MYL3: variants seen among roughly 807,000 people sequenced by gnomAD.
MYL3 encodes the protein myosin light chain 3.
MYL3 carries 11 observed loss-of-function variants against 21.3 expected under a neutral mutation model. That is an observed-to-expected ratio of 0.52 (90% CI 0.32 to 0.85). MYL3 has a LOEUF of 0.85. Ranked by LOEUF, MYL3 falls within the 40% of genes least tolerant of loss-of-function variation. The pLI, the probability that MYL3 is intolerant of heterozygous loss-of-function variation, is 0.03. For synonymous variants in MYL3, 88 were observed against 91.6 expected (o/e 0.96, Z 0.22); for missense variants, 206 against 253.3 (o/e 0.81, Z 1.27).
Position 46,859,456 on chromosome 3 carries a change from G to T in MYL3, c.481+19C>A. The T allele has an allele frequency of 6.2e-7, 1 of 1,613,906 alleles. No homozygotes were observed. The highest frequency in any genetic ancestry group is 1.1e-5 in the South Asian group (1 of 91,072). ...ATGTCCCTGGAAGGAGTTGGGGTAG[G>T]GGAGGAGGCTGCCCTCACCCAGCGT... On this transcript the variant is annotated intron_variant, in intron 4 of 6. Coordinates refer to ENST00000292327, the MANE Select transcript of MYL3 (RefSeq NM_000258.3). The surrounding 1 kb of genome is among the most constrained non-coding windows in gnomAD (Gnocchi z 4.1).
At chr3:46,863,137 G>A in intron 1 of MYL3, 125 bp downstream of exon 1, 1 of 1,439,762 alleles carries the variant, frequency 6.9e-7, no homozygotes, top group Non-Finnish European at 9.7e-7. Flanking sequence ...TCTGACCTCT[G>A]CACAGAAGCT....
At position 46,860,547 on chromosome 3, in the gene MYL3, C is replaced by T. The variant is rs1259092776; in HGVS notation, c.307+129G>A. ...GTCGGCATGGCCCTGTGACTGGCCT[C>T]GGTGCCCTCATCGGGACAATGCGAG... On this transcript the variant is annotated intron_variant, in intron 3 of 6. Coordinates refer to ENST00000292327, the MANE Select transcript of MYL3 (RefSeq NM_000258.3). This position sits in a 1 kb window ranked among gnomAD's most constrained non-coding sequence, Gnocchi z 4.6. 5 of 1,337,844 alleles carry T rather than the reference C, an allele frequency of 3.7e-6. No individual in the cohort carries two copies. The highest frequency in any genetic ancestry group is 5.1e-6 in the Non-Finnish European group (5 of 975,526). The allele number at this position is 1,337,844 out of a possible 1,614,324, so 82.9% of individuals were successfully genotyped here.
At chr3:46,876,479 A>C (rs1010302986) in intron 1 of MYL3, among the ~76,000 whole-genome samples, 2 of 152,214 alleles carry the variant, frequency 1.3e-5, no homozygotes, top group African/African-American at 2.4e-5. Context: ...CTGGGGCAGG[A>C]GTCCCATAAG....
chr3:46,879,271 G>C lies in MYL3; in HGVS notation c.-218+2803C>G, dbSNP rs1367239917. Among the ~76,000 whole-genome samples, 1 of 152,200 alleles carries C rather than the reference G, an allele frequency of 6.6e-6. No individual in the cohort carries two copies. The highest frequency in any genetic ancestry group is 2.4e-5 in the African/African-American group (1 of 41,440). On this transcript the variant is annotated intron_variant, in intron 1 of 3. Transcript: ENST00000431168. The surrounding 1 kb of genome is among the most constrained non-coding windows in gnomAD (Gnocchi z 4.7). ...TCATCCTCCCAAGTACAAGTAGTAT[G>C]TTTCCAAATCTCAAGTTTTCCCTGG...
In MYL3 at chr3:46,874,727, ACC is replaced by A. The variant is rs944712384; in HGVS notation, c.-218+7345_-218+7346del. Among the ~76,000 whole-genome samples the A allele has an allele frequency of 3.7e-4, 57 of 152,218 alleles. No individual in the cohort carries two copies. Among genetic ancestry groups the A allele is most frequent in the African/African-American group, 1.2e-3 (51 of 41,510 alleles). On this transcript the variant is annotated intron_variant, in intron 1 of 3. Transcript: ENST00000431168. This position sits in a 1 kb window ranked among gnomAD's most constrained non-coding sequence, Gnocchi z 4.1. Reference sequence around the variant, plus strand: ...TGGGAGGGGGTATTCCGAGGCACAGACCCCCCCCCACACACACAATAGGGACG... The same window carrying A: ...TGGGAGGGGGTATTCCGAGGCACAGACCCCCCCACACACACAATAGGGACG...
chr3:46,868,308 AG>A (rs1448925469), upstream of MYL3, among the ~76,000 whole-genome samples: 4 of 152,150 alleles, frequency 2.6e-5, no homozygotes, highest in African/African-American at 9.7e-5. Flanking sequence ...CTGTGATTCC[AG>A]GTTCAGAGGA....
intron 1 of MYL3, among the ~76,000 whole-genome samples, chr3:46,869,772 GACA>G (rs1334851890): frequency 6.6e-6 from 1 of 152,176 alleles, no homozygotes; most frequent in East Asian, 1.9e-4. Context: ...GGGGCATGTG[GACA>G]CAACCTCTGT....
upstream of MYL3, chr3:46,863,574 G>T: frequency 1.6e-6 from 1 of 625,446 alleles, no homozygotes; most frequent in South Asian, 1.9e-5. Context: ...TTTGGGGCCT[G>T]GGGAGGGCAT....
chr3:46,880,093 C>T (rs539646190), intron 1 of MYL3, among the ~76,000 whole-genome samples: 3 of 152,296 alleles, frequency 2.0e-5, no homozygotes, highest in African/African-American at 7.2e-5. Flanking sequence ...CACTGAAGAA[C>T]CACAAGTGTT....
At chr3:46,858,179 G>T in intron 6 of MYL3, 52 bp downstream of exon 6, 1 of 1,584,628 alleles carries the variant, frequency 6.3e-7, no homozygotes, top group Non-Finnish European at 8.7e-7. Context: ...ACTGCAGCTG[G>T]TGGAGTGTGG....
At chr3:46,863,748 T>G (rs933484927), upstream of MYL3, among the ~76,000 whole-genome samples, 1 of 152,152 alleles carries the variant, frequency 6.6e-6, no homozygotes, top group African/African-American at 2.4e-5. Context: ...CACAGGGCCC[T>G]GCTGCCTCTC....
chr3:46,857,984 T>G lies in MYL3; in HGVS notation c.*131A>C, dbSNP rs1575497245. On this transcript the variant is annotated 3_prime_UTR_variant, in exon 7 of 7. Transcript: ENST00000292327. The surrounding 1 kb of genome is among the most constrained non-coding windows in gnomAD (Gnocchi z 5.0). ...CAGAGACGGCAACCACGTGGAGAGGTCCAAGGGTTTTTGCAGGAGTCTTGG... is the reference window on the plus strand; with the variant it reads ...CAGAGACGGCAACCACGTGGAGAGGGCCAAGGGTTTTTGCAGGAGTCTTGG... The G allele has an allele frequency of 3.5e-6, 2 of 577,742 alleles. No individual in the cohort carries two copies. The highest frequency in any genetic ancestry group is 6.2e-6 in the Non-Finnish European group (2 of 321,682). 35.8% of individuals were successfully genotyped at this position (577,742 alleles called of 1,614,324 possible).
chr3:46,857,880 G>C lies in MYL3; in HGVS notation c.*235C>G. The C allele has an allele frequency of 5.8e-6, 2 of 346,982 alleles. No individual in the cohort carries two copies. Among genetic ancestry groups the C allele is most frequent in the Non-Finnish European group, 1.1e-5 (2 of 186,596 alleles). 21.5% of individuals were successfully genotyped at this position (346,982 alleles called of 1,614,324 possible). A position where few individuals can be genotyped will look rare whatever the true frequency, so the allele number is the denominator to read the frequency against. ...GGGAAATAAGTCAGAAAGGAAGGCC[G>C]GCAAGAAGCCATTTATTCATGAGGC... On this transcript the variant is annotated 3_prime_UTR_variant, in exon 7 of 7. Transcript: ENST00000292327. The surrounding 1 kb of genome is among the most constrained non-coding windows in gnomAD (Gnocchi z 5.0).
At position 46,874,202 on chromosome 3, in the gene MYL3, G is replaced by A. The variant is rs905861487; in HGVS notation, c.-217-7602C>T. Among the ~76,000 whole-genome samples, 1 of 152,194 alleles carries A rather than the reference G, an allele frequency of 6.6e-6. No individual in the cohort carries two copies. Among genetic ancestry groups the A allele is most frequent in the Non-Finnish European group, 1.5e-5 (1 of 68,042 alleles). ...TCCAGCCAGTTCAGCCAATGTCCAC[G>A]GTGCCTCTGGGCCAGGCTTGGTGCA... On this transcript the variant is annotated intron_variant, in intron 1 of 3. Transcript: ENST00000431168. This position sits in a 1 kb window ranked among gnomAD's most constrained non-coding sequence, Gnocchi z 4.1.
chr3:46,870,253 C>T (rs1422568103), intron 1 of MYL3, among the ~76,000 whole-genome samples: 1 of 152,044 alleles, frequency 6.6e-6, no homozygotes, highest in African/African-American at 2.4e-5. Context: ...TCCAAGTGGA[C>T]AAGAAGTGGG....
At position 46,861,584 on chromosome 3, in the gene MYL3, T is replaced by C. The variant is rs1701993081; in HGVS notation, c.130-597A>G. Among the ~76,000 whole-genome samples, 1 of 152,018 alleles carries C rather than the reference T, an allele frequency of 6.6e-6. No individual in the cohort carries two copies. The highest frequency in any genetic ancestry group is 2.1e-4 in the South Asian group (1 of 4,818). ...AGTCACTCACCAGCCCCACTATACCTATTTCTCACACACCCTGTCCGTAGG... is the reference window on the plus strand; with the variant it reads ...AGTCACTCACCAGCCCCACTATACCCATTTCTCACACACCCTGTCCGTAGG... On this transcript the variant is annotated intron_variant, in intron 1 of 6. Coordinates refer to ENST00000292327, the MANE Select transcript of MYL3 (RefSeq NM_000258.3). This position sits in a 1 kb window ranked among gnomAD's most constrained non-coding sequence, Gnocchi z 4.2.
intron 1 of MYL3, among the ~76,000 whole-genome samples, chr3:46,871,645 G>A (rs984118500): frequency 2.6e-5 from 4 of 152,078 alleles, no homozygotes; most frequent in East Asian, 1.9e-4. Context: ...AGAGACTCAC[G>A]GGTACCCAGG....
chr3:46,863,805 T>C (rs548390007), upstream of MYL3, among the ~76,000 whole-genome samples: 1 of 152,256 alleles, frequency 6.6e-6, no homozygotes, highest in Admixed American at 6.5e-5. Context: ...ACCAAGTACA[T>C]GCTACGTGTT....
At chr3:46,871,652 C>G (rs780587995) in intron 1 of MYL3, among the ~76,000 whole-genome samples, 2 of 152,090 alleles carry the variant, frequency 1.3e-5, no homozygotes, top group Non-Finnish European at 2.9e-5. Context: ...CACGGGTACC[C>G]AGGAATGTGT....
Sources: allele counts gnomAD v4.1 joint callset (sites outside exome capture counted in the v4.1 genomes callset), GRCh38; gene constraint gnomAD v4.1.1; non-coding constraint Gnocchi (gnomAD v3.1); transcripts MANE v1.5; gene names NCBI Gene and HGNC (gene_info 2026-07-23, HGNC 2026-07-21).